Variants in LIMK2 observed in about 807,000 individuals in gnomAD.
LIMK2 encodes the protein LIM domain kinase 2.
In LIMK2, 35 loss-of-function variants were observed where a neutral mutation model predicts 75.7. The ratio of observed to expected loss-of-function variants is 0.46; its 90% confidence interval spans 0.35 to 0.61. The LOEUF is 0.61. Among genes scored for constraint, LIMK2 ranks in the 20% least tolerant of loss-of-function variants. LIMK2 has a pLI of 0.00. For synonymous variants in LIMK2, 301 were observed against 319.2 expected (o/e 0.94, Z 0.61); for missense variants, 623 against 831.0 (o/e 0.75, Z 3.08).
At chr22:31,254,352 A>G (rs2048755809) in intron 2 of LIMK2, among the ~76,000 whole-genome samples, 1 of 152,252 alleles carries the variant, frequency 6.6e-6, no homozygotes, top group African/African-American at 2.4e-5. Context: ...ACAGAAGAAA[A>G]GAAGGACCTG....
rs1156466387 is a variant in LIMK2 at position 31,251,604 on chromosome 22, G to A, written c.117-6687G>A. On this transcript the variant is annotated intron_variant, in intron 2 of 15. Transcript: ENST00000331728. ...GGTTTTTGGTTGGAACTGAATCAGT[G>A]CACTCTAGCAACACTTATTTCTTGC... is the stretch of plus-strand genomic sequence containing the variant. 3.3e-5 allele frequency among the ~76,000 whole-genome samples: 5 copies of A among 152,170 alleles called. No homozygotes were observed. In the East Asian group the frequency reaches 9.6e-4, roughly 29 times the overall value.
At chr22:31,266,153 CT>C in intron 8 of LIMK2, 21 bp downstream of exon 8, 1 of 1,611,638 alleles carries the variant, frequency 6.2e-7, no homozygotes, top group Non-Finnish European at 8.5e-7. Flanking sequence ...GCAACAATTG[CT>C]TTGCTCTTCT....
intron 11 of LIMK2, among the ~76,000 whole-genome samples, chr22:31,269,054 G>GT (rs1038345992): frequency 1.4e-5 from 2 of 146,392 alleles, no homozygotes; most frequent in African/African-American, 2.5e-5. Context: ...TTGTTTGTTT[G>GT]TTTTTTTGTT....
chr22:31,279,433 C>T lies in LIMK2; in HGVS notation c.*992C>T, dbSNP rs1371424294. ...TTCATGGCAACCACTGCTCACCCTT[C>T]AACATGCCTGGTTTAGGCAGCAGCT... On this transcript the variant is annotated 3_prime_UTR_variant, in exon 16 of 16. Transcript: ENST00000331728. 1 of 152,278 alleles carries T rather than the reference C, an allele frequency of 6.6e-6. No individual in the cohort carries two copies. Among genetic ancestry groups the T allele is most frequent in the Non-Finnish European group, 1.5e-5 (1 of 68,082 alleles). The allele number at this position is 152,278 out of a possible 1,614,324, so 9.4% of individuals were successfully genotyped here.
rs1469937234 is a variant in LIMK2 at position 31,262,467 on chromosome 22, A to C, written c.658-128A>C. The C allele has an allele frequency of 1.1e-6, 1 of 934,864 alleles. No homozygotes were observed. The highest frequency in any genetic ancestry group is 1.7e-6 in the Non-Finnish European group (1 of 605,292). The allele number at this position is 934,864 out of a possible 1,614,324, so 57.9% of individuals were successfully genotyped here. ...GCCAGGCAGAGGGCACTGTGAGGCC[A>C]CTGGCAGCTAAAGGCCACCATTAGA... On this transcript the variant is annotated intron_variant, in intron 6 of 15. Coordinates refer to ENST00000331728, the MANE Select transcript of LIMK2 (RefSeq NM_005569.4). This position sits in a 1 kb window ranked among gnomAD's most constrained non-coding sequence, Gnocchi z 5.0.
intron 15 of LIMK2, 78 bp from the exon 16 acceptor site, chr22:31,278,219 T>C: frequency 2.3e-6 from 3 of 1,305,740 alleles, no homozygotes; most frequent in Non-Finnish European, 3.2e-6. Context: ...AGGAAGTAGC[T>C]GAGCCTAGAT....
chr22:31,269,010 T>G (rs1197474322), intron 11 of LIMK2, among the ~76,000 whole-genome samples: 1 of 151,966 alleles, frequency 6.6e-6, no homozygotes, highest in Non-Finnish European at 1.5e-5. Context: ...AAAAGAGTTT[T>G]TTGGTTGACT....
At chr22:31,228,465 T>C (rs914236170) in intron 2 of LIMK2, among the ~76,000 whole-genome samples, 2 of 151,938 alleles carry the variant, frequency 1.3e-5, no homozygotes, top group African/African-American at 4.8e-5. Flanking sequence ...AATGAGACTA[T>C]GGTTTTAAAT....
chr22:31,264,352 A>T (rs1190736441), intron 7 of LIMK2, among the ~76,000 whole-genome samples: 1 of 152,218 alleles, frequency 6.6e-6, no homozygotes, highest in Admixed American at 6.5e-5. Context: ...ACAAGCCAAG[A>T]GCCATCCAGC....
chr22:31,235,523 C>A (rs997348737), intron 2 of LIMK2, among the ~76,000 whole-genome samples: 1 of 152,160 alleles, frequency 6.6e-6, no homozygotes. Context: ...CAGGCAGGAA[C>A]AAGCCCTAGG....
At chr22:31,248,652 C>T (rs1440206761) in intron 2 of LIMK2, 5 of 1,613,818 alleles carry the variant, frequency 3.1e-6, no homozygotes, top group Non-Finnish European at 4.2e-6. Context: ...TGGCCATCTA[C>T]AGCCGGCCTG....
At chr22:31,233,831 C>T (rs1273869681) in intron 2 of LIMK2, among the ~76,000 whole-genome samples, 3 of 152,140 alleles carry the variant, frequency 2.0e-5, no homozygotes, top group African/African-American at 7.2e-5. Context: ...CATATCCAAG[C>T]CTATCAGTTT....
intron 2 of LIMK2, among the ~76,000 whole-genome samples, chr22:31,238,321 T>A (rs969391262): frequency 1.1e-4 from 16 of 152,288 alleles, no homozygotes; most frequent in African/African-American, 3.9e-4. Context: ...TTTCAGTGGC[T>A]ACTCATTTCC....
chr22:31,259,623 G>A (rs1171062074), intron 4 of LIMK2, among the ~76,000 whole-genome samples: 1 of 152,160 alleles, frequency 6.6e-6, no homozygotes, highest in Non-Finnish European at 1.5e-5. Flanking sequence ...CAAAGGTAGA[G>A]TGAAGAGAAC....
At chr22:31,266,839 G>A in intron 8 of LIMK2, 145 bp from the exon 9 acceptor site, 1 of 653,002 alleles carries the variant, frequency 1.5e-6, no homozygotes, top group Non-Finnish European at 2.8e-6. Context: ...GCTCCACGCT[G>A]CATCTTCCAC....
intron 3 of LIMK2, chr22:31,258,653 C>T: frequency 1.9e-6 from 1 of 517,700 alleles, no homozygotes; most frequent in East Asian, 3.2e-5. Context: ...GGAGGAGAGG[C>T]AGGCAGAGAG....
At chr22:31,238,641 A>G (rs2048600144) in intron 2 of LIMK2, among the ~76,000 whole-genome samples, 1 of 152,138 alleles carries the variant, frequency 6.6e-6, no homozygotes. Context: ...CCACCAGTCA[A>G]CCTTCCTTTG....
chr22:31,266,846 C>T, intron 8 of LIMK2, 138 bp from the exon 9 acceptor site: 1 of 667,212 alleles, frequency 1.5e-6, no homozygotes, highest in Non-Finnish European at 2.7e-6. Flanking sequence ...GCTGCATCTT[C>T]CACACATGAA....
intron 2 of LIMK2, chr22:31,248,274 C>T (rs1373190738): frequency 1.8e-6 from 2 of 1,095,716 alleles, no homozygotes; most frequent in East Asian, 5.9e-5. Flanking sequence ...AACAGCTGCT[C>T]CAACCACACA....
Sources: allele counts gnomAD v4.1 joint callset (sites outside exome capture counted in the v4.1 genomes callset), GRCh38; gene constraint gnomAD v4.1.1; non-coding constraint Gnocchi (gnomAD v3.1); transcripts MANE v1.5; gene names NCBI Gene and HGNC (gene_info 2026-07-23, HGNC 2026-07-21).